DLG2: variants seen among roughly 807,000 people sequenced by gnomAD.
DLG2 encodes disks large homolog 2.
A neutral mutation model predicts 132.5 loss-of-function variants in DLG2; 45 were observed. The observed-to-expected ratio is 0.34, with a 90% CI of 0.27 to 0.44. The LOEUF is 0.44. Ranked by LOEUF, DLG2 falls within the 20% of genes least tolerant of loss-of-function variation. DLG2 has a pLI of 1.00. For synonymous variants in DLG2, 424 were observed against 419.6 expected (o/e 1.01, Z -0.13); for missense variants, 1,045 against 1,196.9 (o/e 0.87, Z 1.87).
intron 7 of DLG2, among the ~76,000 whole-genome samples, chr11:84,327,158 C>G (rs1265464420): frequency 6.8e-6 from 1 of 147,030 alleles, no homozygotes; most frequent in Non-Finnish European, 1.5e-5. Context: ...TCTCTGTCAC[C>G]CAGACTGGAG....
chr11:84,219,399 T>A (rs935411442), intron 8 of DLG2, among the ~76,000 whole-genome samples: 2 of 152,246 alleles, frequency 1.3e-5, no homozygotes, highest in African/African-American at 4.8e-5. Flanking sequence ...CTTTAAATAG[T>A]CTTGATTCTT....
chr11:84,612,052 A>G (rs2154537793), intron 6 of DLG2, among the ~76,000 whole-genome samples: 1 of 152,238 alleles, frequency 6.6e-6, no homozygotes, highest in East Asian at 1.9e-4. Context: ...GATAATGAAC[A>G]TATCCATTGC....
chr11:84,084,871 T>G (rs986275336), intron 10 of DLG2, among the ~76,000 whole-genome samples: 2 of 152,202 alleles, frequency 1.3e-5, no homozygotes, highest in Admixed American at 6.5e-5. Context: ...TGATGTTTCC[T>G]CCTAGTAATT....
rs183759689 is a variant in DLG2 at position 83,754,865 on chromosome 11, T to C, written c.1825+31825A>G. Reference sequence around the variant, plus strand: ...ATGAAAAATATGTAATTATCAGTGATAATTTAATTTATAATTATTTATTCT... The same window carrying C: ...ATGAAAAATATGTAATTATCAGTGACAATTTAATTTATAATTATTTATTCT... On this transcript the variant is annotated intron_variant, in intron 18 of 27. Coordinates refer to ENST00000376104, the MANE Select transcript of DLG2 (RefSeq NM_001142699.3). Among the ~76,000 whole-genome samples the C allele has an allele frequency of 2.0e-5, 3 of 151,622 alleles. No homozygotes were observed. The East Asian group carries it at 5.8e-4, about 29-fold the overall frequency.
chr11:85,186,879 C>T (rs1167634951), intron 4 of DLG2, among the ~76,000 whole-genome samples: 2 of 151,974 alleles, frequency 1.3e-5, no homozygotes, highest in Non-Finnish European at 2.9e-5. Context: ...TAATCAATGC[C>T]TATTAACAGT....
intron 17 of DLG2, among the ~76,000 whole-genome samples, chr11:83,797,603 T>C (rs1303255735): frequency 1.3e-5 from 2 of 152,060 alleles, no homozygotes; most frequent in Admixed American, 6.5e-5. Context: ...ACTGCAAGCT[T>C]CGCCTTCTGG....
chr11:83,528,799 T>C (rs896935712), intron 21 of DLG2, among the ~76,000 whole-genome samples: 1 of 152,150 alleles, frequency 6.6e-6, no homozygotes, highest in African/African-American at 2.4e-5. Flanking sequence ...TTAGTGATGC[T>C]GTATTATCAT....
chr11:84,342,134 A>G (rs182326650), intron 7 of DLG2, among the ~76,000 whole-genome samples: 1 of 152,156 alleles, frequency 6.6e-6, no homozygotes, highest in East Asian at 1.9e-4. Flanking sequence ...GTGATGGGTC[A>G]TCTGGCTGTT....
At chr11:83,912,076 G>T (rs144786737) in intron 15 of DLG2, among the ~76,000 whole-genome samples, 18 of 151,866 alleles carry the variant, frequency 1.2e-4, no homozygotes, top group East Asian at 9.7e-4. Flanking sequence ...CTTGCTGAGG[G>T]GCTATCAGCA....
chr11:84,069,548 A>T (rs982020235), intron 10 of DLG2, among the ~76,000 whole-genome samples: 2 of 152,222 alleles, frequency 1.3e-5, no homozygotes, highest in Non-Finnish European at 2.9e-5. Context: ...ACATTTAAAA[A>T]ATAGGGCTTC....
At chr11:83,883,253 T>C (rs377607445) in intron 15 of DLG2, among the ~76,000 whole-genome samples, 21 of 152,220 alleles carry the variant, frequency 1.4e-4, no homozygotes, top group Non-Finnish European at 5.9e-5. Context: ...GGCCACAGTT[T>C]TGATGGTGTT....
intron 7 of DLG2, among the ~76,000 whole-genome samples, chr11:84,255,487 C>A (rs942318056): frequency 6.6e-6 from 1 of 152,124 alleles, no homozygotes; most frequent in African/African-American, 2.4e-5. Flanking sequence ...CCACGCCTGG[C>A]TAATTTTTGT....
chr11:85,593,842 T>C (rs909778976), intron 3 of DLG2, among the ~76,000 whole-genome samples: 64 of 152,302 alleles, frequency 4.2e-4, no homozygotes, highest in African/African-American at 1.5e-3. Flanking sequence ...ATATTTATTT[T>C]ATAGACCTTA....
At chr11:84,687,343 G>A (rs2099739044) in intron 6 of DLG2, 1 of 152,086 alleles carries the variant, frequency 6.6e-6, no homozygotes, top group Non-Finnish European at 1.5e-5. Flanking sequence ...GAATATGAAT[G>A]AGTATGAATC....
At chr11:83,753,773 G>A (rs1452705944) in intron 18 of DLG2, among the ~76,000 whole-genome samples, 6 of 128,378 alleles carry the variant, frequency 4.7e-5, no homozygotes, top group Non-Finnish European at 9.7e-5. Flanking sequence ...TATATGATAT[G>A]GCATATATAT....
At chr11:83,606,898 G>T (rs568268060) in intron 19 of DLG2, among the ~76,000 whole-genome samples, 712 of 152,224 alleles carry the variant, frequency 4.7e-3, no homozygotes, top group Admixed American at 0.01. Flanking sequence ...CTGCACTCCA[G>T]CCTGGGCGAC....
intron 7 of DLG2, among the ~76,000 whole-genome samples, chr11:84,302,601 T>C (rs2154382526): frequency 6.6e-6 from 1 of 152,290 alleles, no homozygotes; most frequent in East Asian, 1.9e-4. Flanking sequence ...GTTACTACAT[T>C]AACTGTAGTT....
chr11:85,525,158 GAATA>G (rs2074651305), intron 3 of DLG2: 1 of 151,990 alleles, frequency 6.6e-6, no homozygotes, highest in African/African-American at 2.4e-5. Context: ...CAAATTAACA[GAATA>G]AAATTTAAAA....
chr11:84,779,299 T>C (rs759676332), intron 6 of DLG2, among the ~76,000 whole-genome samples: 4 of 152,150 alleles, frequency 2.6e-5, no homozygotes, highest in Non-Finnish European at 5.9e-5. Flanking sequence ...GTGAAATTTA[T>C]TCTCAGGTAC....
Sources: gnomAD v4.1 joint callset for allele counts (sites outside exome capture counted in the v4.1 genomes callset) on GRCh38, gnomAD v4.1.1 for gene constraint, MANE v1.5 for transcripts, NCBI Gene and HGNC (gene_info 2026-07-23, HGNC 2026-07-21) for gene names.